BLOC1S6: variants seen among roughly 807,000 people sequenced by gnomAD.
The protein encoded by BLOC1S6 is biogenesis of lysosomal organelles complex 1 subunit 6.
In BLOC1S6, 24 loss-of-function variants were observed where a neutral mutation model predicts 24.7. The observed-to-expected ratio is 0.97, with a 90% confidence interval of 0.70 to 1.37. The LOEUF (loss-of-function observed/expected upper bound fraction) is 1.37. Ranked by LOEUF, BLOC1S6 falls within the 40% of genes most tolerant of loss-of-function variation. The pLI, the probability that BLOC1S6 is intolerant of heterozygous loss-of-function variation, is 0.00. For missense variants in BLOC1S6, 175 were observed against 196.2 expected, an observed-to-expected ratio of 0.89 and a Z score of 0.64; for synonymous variants, 76 against 72.6, an observed-to-expected ratio of 1.05 and a Z score of -0.23.
At chr15:45,605,694 A>G in intron 4 of BLOC1S6, 180 bp downstream of exon 4, 2 of 517,124 alleles carry the variant, frequency 3.9e-6, no homozygotes, top group Non-Finnish European at 6.9e-6. Context: ...GGTTGAAGCG[A>G]TTCTTCTGCC....
At chr15:45,587,636 CGGCCCCCG>C (rs1893727744) in intron 1 of BLOC1S6, 111 bp downstream of exon 1, 1 of 1,121,642 alleles carries the variant, frequency 8.9e-7, no homozygotes, top group Non-Finnish European at 1.3e-6. Flanking sequence ...TTGGCGGCTG[CGGCCCCCG>C]GGCCCTGCCC....
chr15:45,588,833 T>C (rs930485795), intron 1 of BLOC1S6, among the ~76,000 whole-genome samples: 4 of 152,360 alleles, frequency 2.6e-5, no homozygotes, highest in African/African-American at 9.6e-5. Flanking sequence ...ATTCCAGCCT[T>C]TCCTCATGCT....
chr15:45,587,290 C>A (rs1420888361), upstream of BLOC1S6: 5 of 740,938 alleles, frequency 6.7e-6, no homozygotes, highest in Admixed American at 8.2e-5. Context: ...AGCCAACTCT[C>A]GAGCGCGTGA....
At position 45,593,047 on chromosome 15, in the gene BLOC1S6, AT is replaced by A. The variant is rs759679817; in HGVS notation, c.224+772del. ...GAGGAATAATAACTGTGCTTATTTT[AT>A]AATTATAAGTAATGTTATAATCCTT... is the stretch of plus-strand genomic sequence containing the variant. On this transcript the variant is annotated intron_variant, in intron 2 of 4. Coordinates refer to ENST00000220531, the MANE Select transcript of BLOC1S6 (RefSeq NM_012388.4). Among the ~76,000 whole-genome samples the A allele has an allele frequency of 1.1e-3, 161 of 152,310 alleles. 2 individuals are homozygous for A. The Middle Eastern group carries it at 0.024, about 23-fold the overall frequency.
chr15:45,598,003 T>G (rs1283003847), intron 2 of BLOC1S6: 1 of 223,100 alleles, frequency 4.5e-6, no homozygotes, highest in South Asian at 4.3e-5. Context: ...TCAAGTAGGC[T>G]TCATCCCTGG....
chr15:45,594,017 G>A (rs999210705), intron 2 of BLOC1S6, among the ~76,000 whole-genome samples: 2 of 152,106 alleles, frequency 1.3e-5, no homozygotes, highest in Non-Finnish European at 2.9e-5. Context: ...AAAGGAAAAA[G>A]AGAGTATTTC....
At position 45,606,563 on chromosome 15, in the gene BLOC1S6, A is replaced by G; in HGVS notation, c.*49A>G. On this transcript the variant is annotated 3_prime_UTR_variant, in exon 5 of 5. Coordinates refer to ENST00000220531, the MANE Select transcript of BLOC1S6 (RefSeq NM_012388.4). ...TCTCCTGTCCCATATTTGGGTTATG[A>G]TGACTCAAGTGTAGACTGAAGTTGA... The G allele has an allele frequency of 6.2e-7, 1 of 1,613,748 alleles. No homozygotes were observed. Among genetic ancestry groups the G allele is most frequent in the Non-Finnish European group, 8.5e-7 (1 of 1,179,748 alleles).
chr15:45,601,867 GTTATTTATTTAT>G (rs138580678), intron 2 of BLOC1S6, among the ~76,000 whole-genome samples: 18 of 151,454 alleles, frequency 1.2e-4, no homozygotes, highest in African/African-American at 4.4e-4. Flanking sequence ...GAGGGACAAA[GTTATTTATTTAT>G]TTATTTATTT....
chr15:45,606,117 AT>A (rs917363750), intron 4 of BLOC1S6, among the ~76,000 whole-genome samples: 1 of 150,296 alleles, frequency 6.7e-6, no homozygotes, highest in Non-Finnish European at 1.5e-5. Flanking sequence ...TAAAAATATC[AT>A]TTTTTTTTCA....
intron 2 of BLOC1S6, among the ~76,000 whole-genome samples, chr15:45,593,517 G>A (rs138380527): frequency 1.6e-4 from 25 of 151,864 alleles, no homozygotes; most frequent in Admixed American, 3.9e-4. Context: ...TCCCTAGCGC[G>A]CGATATACCT....
chr15:45,602,997 A>T, intron 2 of BLOC1S6, 103 bp from the exon 3 acceptor site: 1 of 752,080 alleles, frequency 1.3e-6, no homozygotes, highest in Non-Finnish European at 2.4e-6. Flanking sequence ...TACATTTCCT[A>T]CTTAACTAAC....
At position 45,607,022 on chromosome 15, in the gene BLOC1S6, G is replaced by C. The variant is rs142031361; in HGVS notation, c.*508G>C. On this transcript the variant is annotated 3_prime_UTR_variant, in exon 5 of 5. Coordinates refer to ENST00000220531, the MANE Select transcript of BLOC1S6 (RefSeq NM_012388.4). ...CCTTTTGAACAGTTGAATTTCATCA[G>C]AAGCTCTATAGCTTTTTGGTGAGAG... 9.8e-4 allele frequency: 152 copies of C among 155,428 alleles called. 3 individuals carry two copies. In the East Asian group the frequency reaches 0.026, roughly 27 times the overall value. 9.6% of individuals were successfully genotyped at this position (155,428 alleles called of 1,614,324 possible).
intron 1 of BLOC1S6, among the ~76,000 whole-genome samples, chr15:45,588,709 A>G (rs1443119784): frequency 6.6e-6 from 1 of 152,216 alleles, no homozygotes; most frequent in Non-Finnish European, 1.5e-5. Context: ...CTTATTAACA[A>G]AGGTCCAAAC....
At chr15:45,606,301 A>G in intron 4 of BLOC1S6, 94 bp from the exon 5 acceptor site, 2 of 1,508,360 alleles carry the variant, frequency 1.3e-6, no homozygotes, top group Non-Finnish European at 1.8e-6. Flanking sequence ...GTGTGAATGA[A>G]TTACCTCAAA....
At chr15:45,591,720 C>T (rs577405735) in intron 1 of BLOC1S6, among the ~76,000 whole-genome samples, 1 of 152,294 alleles carries the variant, frequency 6.6e-6, no homozygotes, top group Admixed American at 6.5e-5. Context: ...GTCCTCTGCC[C>T]TGAAAAATAT....
chr15:45,587,934 A>G (rs966129229), intron 1 of BLOC1S6: 3 of 597,206 alleles, frequency 5.0e-6, no homozygotes, highest in Non-Finnish European at 8.9e-6. Flanking sequence ...CGGTGATATT[A>G]CTTCATCCCT....
At chr15:45,588,776 G>T (rs1332540947) in intron 1 of BLOC1S6, among the ~76,000 whole-genome samples, 1 of 152,108 alleles carries the variant, frequency 6.6e-6, no homozygotes, top group Non-Finnish European at 1.5e-5. Context: ...GCTCACTATT[G>T]CTATGCTGCA....
At chr15:45,587,801 G>C (rs1360152128) in intron 1 of BLOC1S6, 1 of 700,908 alleles carries the variant, frequency 1.4e-6, no homozygotes, top group African/African-American at 1.7e-5. Context: ...ACTCCGGTAC[G>C]TCATTGGTTA....
intron 1 of BLOC1S6, chr15:45,587,728 G>T: frequency 2.8e-6 from 2 of 708,550 alleles, no homozygotes; most frequent in Non-Finnish European, 5.1e-6. Context: ...CCGAGGGGAA[G>T]CTTTGTATTG....
Sources: allele counts gnomAD v4.1 joint callset (sites outside exome capture counted in the v4.1 genomes callset), GRCh38; gene constraint gnomAD v4.1.1; transcripts MANE v1.5; gene names NCBI Gene and HGNC (gene_info 2026-07-23, HGNC 2026-07-21).